Variants in NAV2 observed in about 807,000 individuals in gnomAD.
NAV2 encodes helicase, APC down-regulated 1.
NAV2 carries 54 observed loss-of-function variants against 223.2 expected under a neutral mutation model. That is an observed-to-expected ratio of 0.24 (90% CI 0.19 to 0.30). The LOEUF (loss-of-function observed/expected upper bound fraction) is 0.30. NAV2 is among the 10% of genes least tolerant of loss of function. The probability of loss-of-function intolerance (pLI) is 1.00; values close to 1 mark genes in which losing one functional copy is unlikely to be tolerated. For missense variants in NAV2, 2,806 were observed against 3,147.5 expected (o/e 0.89, Z 2.60); for synonymous variants, 1,279 against 1,239.3 (o/e 1.03, Z -0.67).
intron 6 of NAV2, among the ~76,000 whole-genome samples, chr11:19,918,199 G>C (rs564216216): frequency 7.2e-4 from 109 of 152,350 alleles, no homozygotes; most frequent in Middle Eastern, 3.4e-3. Flanking sequence ...GTCCCAAACT[G>C]AGAGGATAAC....
intron 6 of NAV2, 66 bp downstream of exon 6, chr11:19,892,660 G>A (rs1003545597): frequency 5.5e-5 from 85 of 1,532,322 alleles, no homozygotes; most frequent in African/African-American, 4.3e-4. Flanking sequence ...TAGTTCCTTC[G>A]GGTGAATTGG....
At chr11:20,118,025 G>A in intron 37 of NAV2, 108 bp from the exon 38 acceptor site, 1 of 1,282,406 alleles carries the variant, frequency 7.8e-7, no homozygotes, top group South Asian at 1.4e-5. Context: ...CTCCACTGTG[G>A]GCTGTTATCC....
intron 1 of NAV2, among the ~76,000 whole-genome samples, chr11:19,528,146 T>G (rs1186945949): frequency 2.0e-5 from 3 of 152,148 alleles, no homozygotes; most frequent in South Asian, 4.2e-4. Context: ...TCCCAGTGCT[T>G]CTTCTCCCAC....
intron 1 of NAV2, among the ~76,000 whole-genome samples, chr11:19,452,934 G>C (rs1280953080): frequency 6.6e-6 from 1 of 152,172 alleles, no homozygotes. Context: ...CTTTTTACAT[G>C]TATTAATCCA....
At position 19,713,464 on chromosome 11, in the gene NAV2, T is replaced by G. The variant is rs1288669541; in HGVS notation, c.-232T>G. 1 of 1,334,482 alleles carries G rather than the reference T, an allele frequency of 7.5e-7. No individual in the cohort carries two copies. The highest frequency in any genetic ancestry group is 9.5e-7 in the Non-Finnish European group (1 of 1,048,616). The allele number at this position is 1,334,482 out of a possible 1,614,324, so 82.7% of individuals were successfully genotyped here. ...GACCCGGCGGCAGCATCCGTCCAGG[T>G]GGGACCCGCTGAGCGCCGTGGCCAG... On this transcript the variant is annotated 5_prime_UTR_variant, in exon 1 of 38. Transcript: ENST00000349880. This position sits in a 1 kb window ranked among gnomAD's most constrained non-coding sequence, Gnocchi z 7.2.
At chr11:19,529,202 G>C (rs1462638901) in intron 1 of NAV2, among the ~76,000 whole-genome samples, 2 of 152,184 alleles carry the variant, frequency 1.3e-5, no homozygotes, top group Non-Finnish European at 2.9e-5. Context: ...CTTCACTGTA[G>C]TCTGTTCCTT....
Position 20,054,252 on chromosome 11 carries a change from C to G in NAV2, c.4642+12C>G, listed in dbSNP as rs750504859. The G allele has an allele frequency of 6.2e-7, 1 of 1,605,036 alleles. No homozygotes were observed. Among genetic ancestry groups the G allele is most frequent in the South Asian group, 1.1e-5 (1 of 89,164 alleles). ...CTTTTCCCAGCTTGGTGAGTAGCCA[C>G]TTGTCATTACCTATGTTGATCAGCT... On this transcript the variant is annotated intron_variant, in intron 18 of 37. Coordinates refer to ENST00000349880, the MANE Select transcript of NAV2 (RefSeq NM_145117.5).
At position 19,350,935 on chromosome 11, in the gene NAV2, G is replaced by C. The variant is rs1277416867; in HGVS notation, c.-18G>C. On this transcript the variant is annotated 5_prime_UTR_variant, in exon 1 of 38. Transcript: ENST00000360655. Reference sequence around the variant, plus strand: ...TGGAAGCATCGCTGAAGGAGAGAGAGGATTTTATTTCTGGGAAATGGAATC... The same window carrying C: ...TGGAAGCATCGCTGAAGGAGAGAGACGATTTTATTTCTGGGAAATGGAATC... 3 of 1,551,316 alleles carry C rather than the reference G, an allele frequency of 1.9e-6. No homozygotes were observed. In the Admixed American group the frequency reaches 5.9e-5, roughly 30 times the overall value.
At chr11:19,540,451 G>C (rs945402497) in intron 1 of NAV2, among the ~76,000 whole-genome samples, 3 of 152,142 alleles carry the variant, frequency 2.0e-5, no homozygotes, top group African/African-American at 7.2e-5. Flanking sequence ...AGTACTCATG[G>C]TGATTCTGCA....
At chr11:19,996,865 T>G (rs1331233554) in intron 11 of NAV2, among the ~76,000 whole-genome samples, 1 of 152,200 alleles carries the variant, frequency 6.6e-6, no homozygotes. Flanking sequence ...TGAGGGATGT[T>G]GCAGGATTGT....
intron 7 of NAV2, among the ~76,000 whole-genome samples, chr11:19,936,455 CAA>C (rs1298344506): frequency 2.6e-5 from 4 of 152,266 alleles, no homozygotes; most frequent in African/African-American, 9.6e-5. Flanking sequence ...AAATGTCTGA[CAA>C]AGAGGAGGAA....
At chr11:19,991,646 TG>T (rs1263372070) in intron 11 of NAV2, among the ~76,000 whole-genome samples, 1 of 152,178 alleles carries the variant, frequency 6.6e-6, no homozygotes, top group Non-Finnish European at 1.5e-5. Context: ...CAAAATATGA[TG>T]TGCAAAAAAA....
At chr11:19,908,201 C>T (rs912283477) in intron 6 of NAV2, among the ~76,000 whole-genome samples, 1 of 152,192 alleles carries the variant, frequency 6.6e-6, no homozygotes, top group African/African-American at 2.4e-5. Context: ...GGCTGGCTTC[C>T]TTGAAGTCTT....
chr11:19,554,268 AG>A (rs1335072871), intron 1 of NAV2, among the ~76,000 whole-genome samples: 1 of 152,126 alleles, frequency 6.6e-6, no homozygotes, highest in African/African-American at 2.4e-5. Flanking sequence ...TGGCTCAGAG[AG>A]GTAAATCAAC....
intron 1 of NAV2, among the ~76,000 whole-genome samples, chr11:19,611,860 A>G (rs899318973): frequency 1.1e-4 from 16 of 152,320 alleles, no homozygotes; most frequent in African/African-American, 3.6e-4. Flanking sequence ...TCTCACAGCT[A>G]CACTAGGCAG....
At chr11:19,552,410 G>A (rs2044717302) in intron 1 of NAV2, among the ~76,000 whole-genome samples, 1 of 152,148 alleles carries the variant, frequency 6.6e-6, no homozygotes, top group African/African-American at 2.4e-5. Flanking sequence ...CCCAGGGGTT[G>A]TTCCATCGGG....
intron 26 of NAV2, among the ~76,000 whole-genome samples, chr11:20,085,832 C>T (rs998222981): frequency 1.3e-5 from 2 of 152,126 alleles, no homozygotes; most frequent in Admixed American, 1.3e-4. Context: ...AAGGACCAGG[C>T]CTAGAAGAGG....
chr11:19,944,052 T>G (rs2046630314), intron 8 of NAV2, among the ~76,000 whole-genome samples: 1 of 151,810 alleles, frequency 6.6e-6, no homozygotes, highest in Non-Finnish European at 1.5e-5. Flanking sequence ...AAAAAAAAAT[T>G]TAGCCGGGTG....
At chr11:19,769,467 G>T (rs1437001792) in intron 1 of NAV2, among the ~76,000 whole-genome samples, 2 of 152,198 alleles carry the variant, frequency 1.3e-5, no homozygotes, top group East Asian at 3.9e-4. Flanking sequence ...GGTGATTGCA[G>T]ATACACTCTG....
Sources: allele counts gnomAD v4.1 joint callset (sites outside exome capture counted in the v4.1 genomes callset), GRCh38; gene constraint gnomAD v4.1.1; non-coding constraint Gnocchi (gnomAD v3.1); transcripts MANE v1.5; gene names NCBI Gene and HGNC (gene_info 2026-07-23, HGNC 2026-07-21).